The following WWOX variants were observed in gnomAD, a reference collection of about 807,000 sequenced individuals.
WWOX encodes WW domain-containing oxidoreductase.
In WWOX, 69 loss-of-function variants were observed where a neutral mutation model predicts 46.2. The ratio of observed to expected loss-of-function variants is 1.49; its 90% CI spans 1.23 to 1.82. The LOEUF (loss-of-function observed/expected upper bound fraction) is 1.82, where lower values mean the gene tolerates loss of function less well. Ranked by LOEUF, WWOX falls within the 40% of genes most tolerant of loss-of-function variation. WWOX has a pLI of 0.00. For synonymous variants in WWOX, 359 were observed against 202.6 expected, an observed-to-expected ratio of 1.77 and a Z score of -6.56; for missense variants, 919 against 542.6, an observed-to-expected ratio of 1.69 and a Z score of -6.89.
chr16:79,133,590 G>A (rs759318501), intron 8 of WWOX, among the ~76,000 whole-genome samples: 2 of 152,134 alleles, frequency 1.3e-5, no homozygotes, highest in Non-Finnish European at 2.9e-5. Flanking sequence ...AGTGCAAGGT[G>A]CAGTCTTTTT....
At chr16:78,279,348 C>G (rs112252199) in intron 5 of WWOX, among the ~76,000 whole-genome samples, 2,345 of 152,130 alleles carry the variant, frequency 0.015, 61 homozygotes, top group African/African-American at 0.054. Flanking sequence ...AAATATGAGT[C>G]TAATCACATT....
chr16:79,076,872 C>T (rs570439400), intron 8 of WWOX, among the ~76,000 whole-genome samples: 1 of 152,208 alleles, frequency 6.6e-6, no homozygotes, highest in Non-Finnish European at 1.5e-5. Flanking sequence ...AGACGCTTGT[C>T]TTAGTGTTTA....
intron 5 of WWOX, among the ~76,000 whole-genome samples, chr16:78,198,217 C>T (rs981878413): frequency 8.6e-5 from 13 of 151,790 alleles, no homozygotes; most frequent in Non-Finnish European, 5.9e-5. Context: ...AGACTGATTC[C>T]TAGATCTTGC....
At chr16:78,241,729 C>T (rs906908313) in intron 5 of WWOX, among the ~76,000 whole-genome samples, 4 of 152,104 alleles carry the variant, frequency 2.6e-5, no homozygotes, top group African/African-American at 9.7e-5. Context: ...CGTGAACCAC[C>T]ACGCCCCTCA....
chr16:78,599,060 G>T (rs1429652554), intron 8 of WWOX, among the ~76,000 whole-genome samples: 1 of 152,196 alleles, frequency 6.6e-6, no homozygotes, highest in East Asian at 1.9e-4. Context: ...GGGGCTCACA[G>T]TTTGTTTCAT....
intron 8 of WWOX, among the ~76,000 whole-genome samples, chr16:78,454,128 G>A (rs1386016224): frequency 6.6e-5 from 10 of 152,108 alleles, no homozygotes; most frequent in African/African-American, 1.2e-4. Flanking sequence ...AGAGTTTCTC[G>A]TTTCTTGAGG....
chr16:78,944,234 A>G (rs567622666), intron 8 of WWOX, among the ~76,000 whole-genome samples: 1 of 152,100 alleles, frequency 6.6e-6, no homozygotes. Context: ...TTTCCAGATA[A>G]AAGTTGACTC....
intron 5 of WWOX, among the ~76,000 whole-genome samples, chr16:78,360,909 C>G (rs959136316): frequency 3.3e-5 from 5 of 152,002 alleles, no homozygotes; most frequent in Non-Finnish European, 7.4e-5. Flanking sequence ...CAGCCTCCAC[C>G]TCCTAGGCTC....
intron 8 of WWOX, among the ~76,000 whole-genome samples, chr16:78,691,038 A>C (rs1300110658): frequency 6.6e-6 from 1 of 152,316 alleles, no homozygotes; most frequent in South Asian, 2.1e-4. Context: ...TACTCGATAC[A>C]TCTTCACTAA....
At chr16:78,514,915 C>T (rs755207709) in intron 8 of WWOX, among the ~76,000 whole-genome samples, 2 of 152,072 alleles carry the variant, frequency 1.3e-5, no homozygotes, top group Non-Finnish European at 2.9e-5. Context: ...GCAAGATGGC[C>T]ATGGTCTGTG....
intron 8 of WWOX, among the ~76,000 whole-genome samples, chr16:78,449,782 C>T (rs1285322204): frequency 6.6e-6 from 1 of 152,114 alleles, no homozygotes; most frequent in Non-Finnish European, 1.5e-5. Flanking sequence ...TATTTGCTTT[C>T]ATGTTGCTTT....
intron 6 of WWOX, among the ~76,000 whole-genome samples, chr16:78,418,096 C>G (rs1408803549): frequency 2.0e-5 from 3 of 152,198 alleles, no homozygotes; most frequent in Non-Finnish European, 2.9e-5. Flanking sequence ...AACGGTGGCT[C>G]ACGCCTGTAA....
intron 4 of WWOX, among the ~76,000 whole-genome samples, chr16:78,132,854 C>T (rs1018129874): frequency 2.0e-5 from 3 of 152,252 alleles, no homozygotes; most frequent in African/African-American, 7.2e-5. Context: ...TTATAATTGC[C>T]ATAATTCTTA....
chr16:78,543,169 C>G (rs968626696), intron 8 of WWOX, among the ~76,000 whole-genome samples: 2 of 152,212 alleles, frequency 1.3e-5, no homozygotes, highest in African/African-American at 4.8e-5. Flanking sequence ...TCTGTGATCT[C>G]ACAGCTGCTA....
At chr16:78,824,303 T>C (rs2051587879) in intron 8 of WWOX, among the ~76,000 whole-genome samples, 1 of 152,188 alleles carries the variant, frequency 6.6e-6, no homozygotes, top group African/African-American at 2.4e-5. Flanking sequence ...GATGAAATTT[T>C]TATTGACTCA....
At chr16:78,504,400 A>G (rs541077348) in intron 8 of WWOX, among the ~76,000 whole-genome samples, 35 of 152,368 alleles carry the variant, frequency 2.3e-4, no homozygotes, top group African/African-American at 8.2e-4. Flanking sequence ...ACCAACATTT[A>G]TAAGCAAGCT....
intron 8 of WWOX, among the ~76,000 whole-genome samples, chr16:79,078,780 T>G (rs1426016960): frequency 6.6e-6 from 1 of 152,206 alleles, no homozygotes. Context: ...TCTTCACTTC[T>G]CTTGGCCTTT....
chr16:78,353,677 T>C (rs1350517687), intron 5 of WWOX, among the ~76,000 whole-genome samples: 2 of 152,254 alleles, frequency 1.3e-5, no homozygotes, highest in Non-Finnish European at 2.9e-5. Flanking sequence ...GATGTAACTC[T>C]GTCCTGAAGA....
rs138692829 is a variant in WWOX, at chr16:78,922,493, C to T, written c.1057-289115C>T. Among the ~76,000 whole-genome samples, 751 of 151,930 alleles carry T rather than the reference C, an allele frequency of 4.9e-3. 25 individuals carry two copies. Among genetic ancestry groups the T allele is most frequent in the Admixed American group, 0.043 (663 of 15,256 alleles). On this transcript the variant is annotated intron_variant, in intron 8 of 8. Coordinates refer to ENST00000566780, the MANE Select transcript of WWOX (RefSeq NM_016373.4). ...TCCCGGGTTCAAGCGATTCTCGTGC[C>T]TCAGCCTCCTGAGTCACTGGGATTA...
Sources: allele counts gnomAD v4.1 joint callset (sites outside exome capture counted in the v4.1 genomes callset), GRCh38; gene constraint gnomAD v4.1.1; transcripts MANE v1.5; gene names NCBI Gene and HGNC (gene_info 2026-07-23, HGNC 2026-07-21).